ZNF860: variants seen among roughly 807,000 people sequenced by gnomAD.
ZNF860 encodes the protein zinc finger protein 860.
For synonymous variants in ZNF860, 206 were observed against 248.9 expected (o/e 0.83, Z 1.62); for missense variants, 641 against 759.2 (o/e 0.84, Z 1.83).
the ZNF860 span, among the ~76,000 whole-genome samples, chr3:32,005,108 G>C: frequency 6.6e-6 from 1 of 152,026 alleles, no homozygotes; most frequent in African/African-American, 2.4e-5. Context: ...TGTGCAGAAC[G>C]TTCAGGTTTG....
the ZNF860 span, among the ~76,000 whole-genome samples, chr3:31,997,878 C>T: frequency 6.6e-6 from 1 of 152,114 alleles, no homozygotes; most frequent in Non-Finnish European, 1.5e-5. Context: ...GCCTCGACAT[C>T]CTGGGCTCAA....
At chr3:31,985,422 T>G (rs539336202) in intron 1 of ZNF860, among the ~76,000 whole-genome samples, 2 of 152,328 alleles carry the variant, frequency 1.3e-5, no homozygotes, top group East Asian at 3.9e-4. Context: ...TATGCATGAT[T>G]GGAGCAATAA....
intron 1 of ZNF860, among the ~76,000 whole-genome samples, chr3:31,986,782 G>A (rs1427437738): frequency 6.6e-6 from 1 of 152,098 alleles, no homozygotes; most frequent in African/African-American, 2.4e-5. Context: ...AGGCTGAGAT[G>A]GGAGGATTGC....
At chr3:32,002,825 C>T in the ZNF860 span, among the ~76,000 whole-genome samples, 2 of 131,722 alleles carry the variant, frequency 1.5e-5, no homozygotes, top group African/African-American at 2.6e-5. Flanking sequence ...TTTGAATCTG[C>T]TTTTATCTTT....
chr3:31,995,664 G>C (rs1699084192), downstream of ZNF860, among the ~76,000 whole-genome samples: 1 of 152,170 alleles, frequency 6.6e-6, no homozygotes. Context: ...ACAGGATTAA[G>C]AGATTAAAAT....
At chr3:32,001,527 A>C in the ZNF860 span, among the ~76,000 whole-genome samples, 1 of 152,224 alleles carries the variant, frequency 6.6e-6, no homozygotes, top group South Asian at 2.1e-4. Context: ...TATTCAACTC[A>C]TTAATTAATA....
intron 1 of ZNF860, among the ~76,000 whole-genome samples, chr3:31,984,710 T>C (rs1182826492): frequency 6.6e-6 from 1 of 152,186 alleles, no homozygotes; most frequent in African/African-American, 2.4e-5. Context: ...CTGTGGCCTT[T>C]CATTAGTTTT....
chr3:31,990,755 T>C lies in ZNF860; in HGVS notation c.1676T>C (p.Ile559Thr), dbSNP rs1699017856. ...RKSHHETHKR[I>T]HTGEKPYKCD... ...TCACACCATGAAACACATAAGAGAA[T>C]TCATACTGGAGAGAAACCTTACAAA... The change falls in exon 2 of 2, where the codon ATT (isoleucine) becomes ACT (threonine). Residue 559 changes from isoleucine (I) to threonine (T), a missense_variant. By Grantham distance (89) the Ile-to-Thr change is moderately conservative. Coordinates refer to ENST00000360311, the MANE Select transcript of ZNF860 (RefSeq NM_001137674.3). 6.2e-7 allele frequency: 1 copy of C among 1,613,804 alleles called. No individual in the cohort carries two copies.
downstream of ZNF860, among the ~76,000 whole-genome samples, chr3:31,996,330 G>T (rs981914430): frequency 6.6e-6 from 1 of 152,174 alleles, no homozygotes; most frequent in South Asian, 2.1e-4. Context: ...CAACCTGCTA[G>T]AGAGGACTTG....
the ZNF860 span, among the ~76,000 whole-genome samples, chr3:31,999,625 T>C: frequency 6.6e-6 from 1 of 152,110 alleles, no homozygotes; most frequent in East Asian, 1.9e-4. Flanking sequence ...CCTCCCAAAG[T>C]GCTGGGATTA....
chr3:31,999,990 CG>C, the ZNF860 span, among the ~76,000 whole-genome samples: 1 of 152,066 alleles, frequency 6.6e-6, no homozygotes, highest in Non-Finnish European at 1.5e-5. Flanking sequence ...TCTAGTGGTG[CG>C]GCCTCAGCTA....
In ZNF860 at chr3:31,981,994, G is replaced by A. The variant is rs949623194; in HGVS notation, c.-421+92G>A. The A allele has an allele frequency of 6.6e-6, 1 of 152,224 alleles. No homozygotes were observed. Among genetic ancestry groups the A allele is most frequent in the Non-Finnish European group, 1.5e-5 (1 of 68,096 alleles). The allele number at this position is 152,224 out of a possible 1,614,324, so 9.4% of individuals were successfully genotyped here. ...TGGGGTGAGGCGCGCGAACTCTCAGGTTTGTGCGAGTGCTTCCTTAAATTG... is the reference window on the plus strand; with the variant it reads ...TGGGGTGAGGCGCGCGAACTCTCAGATTTGTGCGAGTGCTTCCTTAAATTG... On this transcript the variant is annotated intron_variant, in intron 1 of 1. Coordinates refer to ENST00000360311, the MANE Select transcript of ZNF860 (RefSeq NM_001137674.3). This position sits in a 1 kb window ranked among gnomAD's most constrained non-coding sequence, Gnocchi z 4.5.
the ZNF860 span, among the ~76,000 whole-genome samples, chr3:32,000,637 C>T: frequency 6.6e-6 from 1 of 152,222 alleles, no homozygotes; most frequent in Admixed American, 6.5e-5. Flanking sequence ...AGCCCTTCCT[C>T]GTGACGGTTG....
the ZNF860 span, among the ~76,000 whole-genome samples, chr3:32,001,100 G>A: frequency 6.6e-6 from 1 of 152,202 alleles, no homozygotes; most frequent in African/African-American, 2.4e-5. Context: ...TAGGGGCGCT[G>A]TTGTCTGTCC....
At position 31,988,648 on chromosome 3, in the gene ZNF860, C is replaced by G; in HGVS notation, c.-420-12C>G. On this transcript the variant is annotated splice_polypyrimidine_tract_variant and intron_variant, in intron 1 of 1. Transcript: ENST00000360311. ...TCTCTCTCCCCCTGTCTTTCTCTCTCTCTATCATCAGTCACTCTAGGAAAG... is the reference window on the plus strand; with the variant it reads ...TCTCTCTCCCCCTGTCTTTCTCTCTGTCTATCATCAGTCACTCTAGGAAAG... 5.3e-6 allele frequency: 1 copy of G among 189,288 alleles called. No individual in the cohort carries two copies. Among genetic ancestry groups the G allele is most frequent in the Non-Finnish European group, 1.1e-5 (1 of 90,402 alleles). The allele number at this position is 189,288 out of a possible 1,614,324, so 11.7% of individuals were successfully genotyped here. A position where few individuals can be genotyped will look rare whatever the true frequency, so the allele number is the denominator to read the frequency against.
the ZNF860 span, among the ~76,000 whole-genome samples, chr3:32,004,275 G>C: frequency 5.3e-5 from 8 of 152,100 alleles, no homozygotes; most frequent in African/African-American, 1.9e-4. Flanking sequence ...TTTATCCTGA[G>C]GGCAGTGTGG....
intron 1 of ZNF860, among the ~76,000 whole-genome samples, chr3:31,982,674 G>C (rs2125510594): frequency 6.6e-6 from 1 of 151,696 alleles, no homozygotes; most frequent in South Asian, 2.1e-4. Flanking sequence ...TCTGAAAAGA[G>C]CTTGCCTGGA....
Position 31,989,652 on chromosome 3 carries a change from G to A in ZNF860, c.573G>A (p.Thr191=), listed in dbSNP as rs111849538. The change falls in exon 2 of 2, where the codon ACG becomes ACA. Residue 191 remains threonine (T), a synonymous_variant. Transcript: ENST00000360311. ...KSINDASSVL[T]SQRISSRPKI... Reference sequence around the variant, plus strand: ...TCAACGATGCTTCCTCAGTTCTAACGTCCCAAAGAATTTCTTCTAGGCCCA... The same window carrying A: ...TCAACGATGCTTCCTCAGTTCTAACATCCCAAAGAATTTCTTCTAGGCCCA... 2,476 of 1,614,036 alleles carry A rather than the reference G, an allele frequency of 1.5e-3. 45 individuals are homozygous for A. In the African/African-American group the frequency reaches 0.029, roughly 19 times the overall value.
chr3:31,996,966 C>T, the ZNF860 span, among the ~76,000 whole-genome samples: 1 of 152,014 alleles, frequency 6.6e-6, no homozygotes, highest in Non-Finnish European at 1.5e-5. Context: ...GGGAGAGAAG[C>T]CAGAGGAAAG....
Sources: gnomAD v4.1 joint callset for allele counts (sites outside exome capture counted in the v4.1 genomes callset) on GRCh38, gnomAD v4.1.1 for gene constraint, Gnocchi (gnomAD v3.1) non-coding constraint, MANE v1.5 for transcripts, NCBI Gene and HGNC (gene_info 2026-07-23, HGNC 2026-07-21) for gene names.